OSBPL5: variants seen among roughly 807,000 people sequenced by gnomAD.
OSBPL5 encodes the protein oxysterol binding protein like 5.
A neutral mutation model predicts 111.2 loss-of-function variants in OSBPL5; 71 were observed. The ratio of observed to expected loss-of-function variants is 0.64; its 90% CI spans 0.53 to 0.78. OSBPL5 has a LOEUF of 0.78. Ranked by LOEUF, OSBPL5 falls within the 30% of genes least tolerant of loss-of-function variation. The pLI is 0.00. For missense variants in OSBPL5, 1,210 were observed against 1,189.3 expected (o/e 1.02, Z -0.26); for synonymous variants, 549 against 513.9 (o/e 1.07, Z -0.93).
At chr11:3,137,762 T>G (rs1845989729) in intron 1 of OSBPL5, among the ~76,000 whole-genome samples, 1 of 152,160 alleles carries the variant, frequency 6.6e-6, no homozygotes, top group Admixed American at 6.5e-5. Context: ...TGAGCCATGG[T>G]CATGCCACTG....
rs974184037 is a variant in OSBPL5 at position 3,111,738 on chromosome 11, A to G, written c.692-3793T>C. On this transcript the variant is annotated intron_variant, in intron 7 of 21. Coordinates refer to ENST00000263650, the MANE Select transcript of OSBPL5 (RefSeq NM_020896.4). ...AAAAACGGCCAGCAAAAGGAAAAAA[A>G]AAAGAGGAAAGATTTTGATTTTGAC... Among the ~76,000 whole-genome samples, 9 of 152,186 alleles carry G rather than the reference A, an allele frequency of 5.9e-5. No individual in the cohort carries two copies. In the East Asian group the frequency reaches 1.7e-3, roughly 29 times the overall value.
chr11:3,145,352 A>G (rs961298687), intron 1 of OSBPL5, among the ~76,000 whole-genome samples: 24 of 151,996 alleles, frequency 1.6e-4, no homozygotes, highest in African/African-American at 5.6e-4. Flanking sequence ...ATTCTGTCAC[A>G]CTGGCAGCCC....
chr11:3,090,928 C>G (rs572670452), intron 19 of OSBPL5, among the ~76,000 whole-genome samples: 3 of 152,346 alleles, frequency 2.0e-5, no homozygotes, highest in African/African-American at 7.2e-5. Flanking sequence ...AGCTACTGAC[C>G]CCTCACAGTG....
Position 3,140,780 on chromosome 11 carries a change from C to T in OSBPL5, c.-21-11611G>A, listed in dbSNP as rs1035929479. 4.6e-5 allele frequency among the ~76,000 whole-genome samples: 7 copies of T among 152,150 alleles called. No individual in the cohort carries two copies. The highest frequency in any genetic ancestry group is 9.7e-5 in the African/African-American group (4 of 41,426). ...CCTTGGGGTATGTGGGTACCTGGGG[C>T]GGCCCCTCATGTCCAGGAGCTGAGG... On this transcript the variant is annotated intron_variant, in intron 1 of 21. Coordinates refer to ENST00000263650, the MANE Select transcript of OSBPL5 (RefSeq NM_020896.4). The surrounding 1 kb of genome is among the most constrained non-coding windows in gnomAD (Gnocchi z 4.5).
chr11:3,163,049 C>T (rs780460786), intron 1 of OSBPL5, among the ~76,000 whole-genome samples: 12 of 152,158 alleles, frequency 7.9e-5, no homozygotes, highest in South Asian at 2.1e-4. Context: ...TCAAAATGAC[C>T]GGGATCCTTT....
chr11:3,117,065 C>T (rs186335193), intron 7 of OSBPL5, among the ~76,000 whole-genome samples: 5 of 152,260 alleles, frequency 3.3e-5, no homozygotes, highest in East Asian at 3.9e-4. Context: ...TGTGAGTATT[C>T]GTAACTTATG....
intron 13 of OSBPL5, among the ~76,000 whole-genome samples, chr11:3,101,014 G>A (rs1272104307): frequency 2.9e-5 from 4 of 139,862 alleles, no homozygotes; most frequent in South Asian, 2.2e-4. Flanking sequence ...TCACCCTGTC[G>A]TCCAGGCTGG....
At position 3,107,794 on chromosome 11, in the gene OSBPL5, G is replaced by A. The variant is rs995709253; in HGVS notation, c.843C>T (p.Val281=). 4.3e-6 allele frequency: 7 copies of A among 1,612,416 alleles called. No homozygotes were observed. Among genetic ancestry groups the A allele is most frequent in the Non-Finnish European group, 5.1e-6 (6 of 1,179,964 alleles). ...SLCGLPASAT[V]HPDQDLFPLN... ...ACGGGAACAGGTCTTGGTCTGGGTG[G>A]ACGGTGGCTGAGGCTGGCAGCCCAC... The change falls in exon 8 of 22, where the codon GTC becomes GTT. Residue 281 remains valine (V), a synonymous_variant. Transcript: ENST00000263650. This position sits in a 1 kb window ranked among gnomAD's most constrained non-coding sequence, Gnocchi z 6.1.
At chr11:3,103,701 TGCGTACCCCCTTCCAGG>T in intron 10 of OSBPL5, among the ~76,000 whole-genome samples, 1 of 128,546 alleles carries the variant, frequency 7.8e-6, no homozygotes, top group Non-Finnish European at 1.7e-5. Context: ...CCTTCCAGCC[TGCGTACCCCCTTCCAGG>T]CTCTGCTGCC....
chr11:3,138,509 G>T lies in OSBPL5; in HGVS notation c.-21-9340C>A, dbSNP rs559171042. On this transcript the variant is annotated intron_variant, in intron 1 of 21. Coordinates refer to ENST00000263650, the MANE Select transcript of OSBPL5 (RefSeq NM_020896.4). Reference sequence around the variant, plus strand: ...GCAGGGGCCTGCTGGGATTGTGGACGCAATCTCAAACCCGCCACGCTGAGC... The same window carrying T: ...GCAGGGGCCTGCTGGGATTGTGGACTCAATCTCAAACCCGCCACGCTGAGC... Among the ~76,000 whole-genome samples, 149 of 152,316 alleles carry T rather than the reference G, an allele frequency of 9.8e-4. 1 individual carries two copies. The highest frequency in any genetic ancestry group is 1.7e-3 in the Non-Finnish European group (119 of 68,022).
Position 3,146,434 on chromosome 11 carries a change from G to A in OSBPL5, c.-21-17265C>T, listed in dbSNP as rs149532171. 2.8e-3 allele frequency: 421 copies of A among 152,564 alleles called. 2 individuals are homozygous for A. Among genetic ancestry groups the A allele is most frequent in the African/African-American group, 9.6e-3 (401 of 41,560 alleles). 9.5% of individuals were successfully genotyped at this position (152,564 alleles called of 1,614,324 possible). ...AGGATTTGGGGGTACCTCTGAGAGT[G>A]GGGGACGGAGAGAATGCAGGTGGAG... On this transcript the variant is annotated intron_variant, in intron 1 of 21. Transcript: ENST00000263650. This position sits in a 1 kb window ranked among gnomAD's most constrained non-coding sequence, Gnocchi z 7.8.
rs1444554435 is a variant in OSBPL5, at chr11:3,093,629, C to A, written c.1844G>T (p.Gly615Val). 6.2e-7 allele frequency: 1 copy of A among 1,613,152 alleles called. No homozygotes were observed. The highest frequency in any genetic ancestry group is 2.2e-5 in the East Asian group (1 of 44,874). The stretch of plus-strand genomic sequence containing the variant: ...CGGGGTCCAGAAAAGCGCACTGCTT[C>A]CGCTCCCTTCCTCCTTGATAAACAC... ...RDVFIKEEGSGSSALFWTPSG... is the reference protein window; with the variant it reads ...RDVFIKEEGSVSSALFWTPSG... The change falls in exon 17 of 22, where the codon GGA (glycine) becomes GTA (valine). Residue 615 changes from glycine (G) to valine (V), a missense_variant. By Grantham distance (109) the Gly-to-Val change is moderately radical. Transcript: ENST00000263650.
chr11:3,153,628 C>G (rs1049516821), intron 1 of OSBPL5, among the ~76,000 whole-genome samples: 1 of 152,192 alleles, frequency 6.6e-6, no homozygotes, highest in Non-Finnish European at 1.5e-5. Flanking sequence ...CAGAGACAAA[C>G]AGCATGTTCC....
rs564761200 is a variant in OSBPL5, at chr11:3,162,883, A to C, written c.-22+2333T>G. On this transcript the variant is annotated intron_variant, in intron 1 of 21. Coordinates refer to ENST00000263650, the MANE Select transcript of OSBPL5 (RefSeq NM_020896.4). The surrounding 1 kb of genome is among the most constrained non-coding windows in gnomAD (Gnocchi z 8.1). ...CCCTGTCGGGAGGCCAGTGGCCCTCACTTGTACCCCCCAACATCTACCCCC... is the reference window on the plus strand; with the variant it reads ...CCCTGTCGGGAGGCCAGTGGCCCTCCCTTGTACCCCCCAACATCTACCCCC... Among the ~76,000 whole-genome samples the C allele has an allele frequency of 9.2e-5, 14 of 152,146 alleles. No individual in the cohort carries two copies. In the East Asian group the frequency reaches 2.7e-3, roughly 30 times the overall value.
intron 3 of OSBPL5, among the ~76,000 whole-genome samples, chr11:3,124,285 G>A (rs1292139560): frequency 6.6e-6 from 1 of 152,148 alleles, no homozygotes; most frequent in Non-Finnish European, 1.5e-5. Flanking sequence ...ATCACAAGAA[G>A]AAAACGGCAC....
rs749809521 is a variant in OSBPL5, at chr11:3,120,585, C to G, written c.442G>C (p.Val148Leu). ...ATGAGCAGCACCCCCGGCTTCAGCA[C>G]GCACCACAGCTTGGTCCAGCTCTTC... ...TLKSWTKLWC[V>L]LKPGVLLIYK... is the part of the protein sequence containing the mutation. The change falls in exon 6 of 22, where the codon GTG (valine) becomes CTG (leucine). Residue 148 changes from valine (V) to leucine (L), a missense_variant. By Grantham distance (32) the Val-to-Leu change is conservative. Transcript: ENST00000263650. 1.9e-6 allele frequency: 3 copies of G among 1,613,132 alleles called. No individual in the cohort carries two copies. The highest frequency in any genetic ancestry group is 2.2e-5 in the East Asian group (1 of 44,890).
chr11:3,138,462 C>T (rs1225190163), intron 1 of OSBPL5, among the ~76,000 whole-genome samples: 1 of 152,214 alleles, frequency 6.6e-6, no homozygotes, highest in Non-Finnish European at 1.5e-5. Flanking sequence ...GGGGCCGTCA[C>T]TTGGAGGCAG....
chr11:3,119,527 G>A lies in OSBPL5; in HGVS notation c.691+20C>T, dbSNP rs376576053. The A allele has an allele frequency of 2.1e-4, 326 of 1,561,794 alleles. No homozygotes were observed. The highest frequency in any genetic ancestry group is 7.5e-4 in the East Asian group (30 of 40,114). On this transcript the variant is annotated intron_variant, in intron 7 of 21. Coordinates refer to ENST00000263650, the MANE Select transcript of OSBPL5 (RefSeq NM_020896.4). The stretch of plus-strand genomic sequence containing the variant: ...TCAGGTGGGGGCACTGGGGAGATGC[G>A]CAAGCTGGCAGGGACTCACCATCTG...
Position 3,105,068 on chromosome 11 carries a change from G to A in OSBPL5, c.1060-691C>T, listed in dbSNP as rs1857646922. Among the ~76,000 whole-genome samples, 1 of 152,012 alleles carries A rather than the reference G, an allele frequency of 6.6e-6. No individual in the cohort carries two copies. The highest frequency in any genetic ancestry group is 2.1e-4 in the South Asian group (1 of 4,830). On this transcript the variant is annotated intron_variant, in intron 9 of 21. Coordinates refer to ENST00000263650, the MANE Select transcript of OSBPL5 (RefSeq NM_020896.4). The surrounding 1 kb of genome is among the most constrained non-coding windows in gnomAD (Gnocchi z 5.2). ...CAGAATACATGACTTGGGGTGGCGG[G>A]GCTCCCCTTACTCACTCCAGACTTG... is the stretch of plus-strand genomic sequence containing the variant.
Sources: allele counts gnomAD v4.1 joint callset (sites outside exome capture counted in the v4.1 genomes callset), GRCh38; gene constraint gnomAD v4.1.1; non-coding constraint Gnocchi (gnomAD v3.1); transcripts MANE v1.5; gene names NCBI Gene and HGNC (gene_info 2026-07-23, HGNC 2026-07-21).